EYS: variants seen among roughly 807,000 people sequenced by gnomAD.
The protein encoded by EYS is EGF-like photoreceptor maintenance factor.
In EYS, 250 loss-of-function variants were observed where a neutral mutation model predicts 282.1. The ratio of observed to expected loss-of-function variants is 0.89; its 90% CI spans 0.80 to 0.98. The LOEUF (loss-of-function observed/expected upper bound fraction) is 0.98, where lower values mean the gene tolerates loss of function less well. Among genes scored for constraint, EYS ranks in the 50% least tolerant of loss-of-function variants. The pLI is 0.00. For synonymous variants in EYS, 1,355 were observed against 1,282.9 expected, an observed-to-expected ratio of 1.06 and a Z score of -1.20; for missense variants, 4,016 against 3,709.0, an observed-to-expected ratio of 1.08 and a Z score of -2.15.
chr6:64,661,939 T>C (rs561026260), intron 22 of EYS, among the ~76,000 whole-genome samples: 382 of 150,742 alleles, frequency 2.5e-3, no homozygotes, highest in African/African-American at 8.9e-3. Context: ...CACACGTATG[T>C]TTATTGCGGC....
rs769824975 is a variant in EYS, at chr6:63,720,728, TTGAG to T, written c.9299_9302del (p.Thr3100LysfsTer26). ...CAACAAAATTGGTTTTAAAAATCTCTTGAGTAACGATATTTACCTTTCTACCATA... is the reference window on the plus strand; with the variant it reads ...CAACAAAATTGGTTTTAAAAATCTCTTAACGATATTTACCTTTCTACCATA... On this transcript the variant is annotated frameshift_variant, in exon 43 of 43. Coordinates refer to ENST00000503581, the MANE Select transcript of EYS (RefSeq NM_001142800.2). LOFTEE classifies it high-confidence loss of function. 132 of 1,549,500 alleles carry T rather than the reference TTGAG, an allele frequency of 8.5e-5. No homozygotes were observed. The highest frequency in any genetic ancestry group is 1.1e-4 in the Non-Finnish European group (126 of 1,146,180).
At chr6:64,802,164 G>A (rs779737043) in intron 22 of EYS, among the ~76,000 whole-genome samples, 4 of 150,256 alleles carry the variant, frequency 2.7e-5, no homozygotes, top group Non-Finnish European at 5.9e-5. Flanking sequence ...CTCCTGAGTA[G>A]CTGGGACTAC....
chr6:65,414,286 C>T (rs1024936814), intron 5 of EYS, among the ~76,000 whole-genome samples: 2 of 152,128 alleles, frequency 1.3e-5, no homozygotes, highest in Non-Finnish European at 2.9e-5. Context: ...CTGGCATTTA[C>T]TGCTTTTAGA....
intron 19 of EYS, among the ~76,000 whole-genome samples, chr6:64,829,702 G>A (rs1392331224): frequency 6.6e-6 from 1 of 151,860 alleles, no homozygotes; most frequent in Non-Finnish European, 1.5e-5. Flanking sequence ...CTAAATTATA[G>A]AATGCGGTAT....
intron 36 of EYS, among the ~76,000 whole-genome samples, chr6:63,823,464 T>C (rs148684778): frequency 2.2e-4 from 34 of 152,308 alleles, no homozygotes; most frequent in African/African-American, 7.7e-4. Flanking sequence ...TGAATAATTA[T>C]GGTTTTCTAG....
chr6:64,603,525 G>A (rs1347715919), intron 24 of EYS, among the ~76,000 whole-genome samples: 1 of 152,014 alleles, frequency 6.6e-6, no homozygotes, highest in Non-Finnish European at 1.5e-5. Flanking sequence ...GGAGTCTGGT[G>A]AAGTCTCTCT....
At chr6:64,023,501 A>G (rs1186083047) in intron 33 of EYS, among the ~76,000 whole-genome samples, 1 of 152,246 alleles carries the variant, frequency 6.6e-6, no homozygotes, top group African/African-American at 2.4e-5. Flanking sequence ...TTTACATTGT[A>G]CGGTGTAAAA....
intron 36 of EYS, among the ~76,000 whole-genome samples, chr6:63,836,090 T>C (rs1349724217): frequency 6.6e-6 from 1 of 152,032 alleles, no homozygotes; most frequent in East Asian, 1.9e-4. Context: ...ATTATATACT[T>C]TGGAGTGGAA....
intron 26 of EYS, among the ~76,000 whole-genome samples, chr6:64,580,164 T>C (rs1235062168): frequency 6.6e-6 from 1 of 152,126 alleles, no homozygotes; most frequent in African/African-American, 2.4e-5. Flanking sequence ...ATTTTTAAGA[T>C]AGATGACATA....
intron 14 of EYS, among the ~76,000 whole-genome samples, chr6:64,995,927 A>G (rs34668001): frequency 0.27 from 40,585 of 152,104 alleles, 6,675 homozygotes; most frequent in African/African-American, 0.45. Flanking sequence ...AATGTCCCAC[A>G]GAATATCTGT....
intron 22 of EYS, among the ~76,000 whole-genome samples, chr6:64,704,692 G>A (rs1583061310): frequency 6.6e-6 from 1 of 151,832 alleles, no homozygotes; most frequent in East Asian, 1.9e-4. Flanking sequence ...TTGGAGCTAT[G>A]TTTCATGAAA....
At chr6:64,685,426 G>A (rs1770058130) in intron 22 of EYS, among the ~76,000 whole-genome samples, 2 of 152,142 alleles carry the variant, frequency 1.3e-5, no homozygotes, top group African/African-American at 4.8e-5. Flanking sequence ...GGGATCTGAT[G>A]GGAGGTGTTT....
At chr6:65,508,989 C>T (rs1008074602) in intron 2 of EYS, among the ~76,000 whole-genome samples, 25 of 152,010 alleles carry the variant, frequency 1.6e-4, no homozygotes, top group African/African-American at 3.1e-4. Flanking sequence ...AGTGTAGCTC[C>T]GGGGAGATTC....
intron 35 of EYS, among the ~76,000 whole-genome samples, chr6:63,969,166 G>A (rs796100546): frequency 2.7e-4 from 41 of 152,196 alleles, no homozygotes; most frequent in African/African-American, 9.4e-4. Flanking sequence ...AGCTTCTTGA[G>A]TATAAGGTTT....
chr6:65,438,164 T>C (rs1301383807), intron 5 of EYS, among the ~76,000 whole-genome samples: 1 of 152,048 alleles, frequency 6.6e-6, no homozygotes, highest in Non-Finnish European at 1.5e-5. Flanking sequence ...GCTTCATCCA[T>C]GTCCCTACAA....
chr6:64,971,988 T>G (rs1770311115), intron 14 of EYS, among the ~76,000 whole-genome samples: 1 of 151,948 alleles, frequency 6.6e-6, no homozygotes, highest in African/African-American at 2.4e-5. Context: ...ATGAAAGAGA[T>G]TGTGGATATG....
At chr6:65,571,409 T>C (rs761593271) in intron 2 of EYS, among the ~76,000 whole-genome samples, 6 of 152,056 alleles carry the variant, frequency 3.9e-5, no homozygotes, top group Non-Finnish European at 8.8e-5. Context: ...TTTAGAGTCA[T>C]ATACTCTTTC....
intron 22 of EYS, among the ~76,000 whole-genome samples, chr6:64,772,823 TTG>T (rs1302751935): frequency 7.2e-5 from 11 of 151,910 alleles, no homozygotes; most frequent in Admixed American, 5.9e-4. Context: ...TTCATCCACG[TTG>T]TTGCAAATAT....
rs557332225 is a variant in EYS, at chr6:65,454,077, T to C, written c.862+36517A>G. On this transcript the variant is annotated intron_variant, in intron 5 of 42. Transcript: ENST00000503581. ...ATTGTTGGATCATATGGTAGTTCTA[T>C]TTTTCATTTTTTGAGGAACTTCTAT... Among the ~76,000 whole-genome samples the C allele has an allele frequency of 3.3e-5, 5 of 150,906 alleles. No individual in the cohort carries two copies. The South Asian group carries it at 1.0e-3, about 32-fold the overall frequency.
Sources: allele counts gnomAD v4.1 joint callset (sites outside exome capture counted in the v4.1 genomes callset), GRCh38; gene constraint gnomAD v4.1.1; transcripts MANE v1.5; gene names NCBI Gene and HGNC (gene_info 2026-07-23, HGNC 2026-07-21).